The following TLN2 variants were observed in gnomAD, a reference collection of about 807,000 sequenced individuals.
The protein encoded by TLN2 is talin 2, also known as talin-2.
TLN2 carries 118 observed loss-of-function variants against 294.7 expected under a neutral mutation model. That is an observed-to-expected ratio of 0.40 (90% CI 0.34 to 0.47). TLN2 has a LOEUF of 0.47. Among genes scored for constraint, TLN2 ranks in the 20% least tolerant of loss-of-function variants. TLN2 has a pLI of 0.84. For missense variants in TLN2, 3,083 were observed against 3,282.2 expected (o/e 0.94, Z 1.48); for synonymous variants, 1,431 against 1,304.5 (o/e 1.10, Z -2.09).
intron 1 of TLN2, among the ~76,000 whole-genome samples, chr15:62,400,137 C>A (rs1449520554): frequency 6.6e-6 from 1 of 152,184 alleles, no homozygotes; most frequent in Admixed American, 6.5e-5. Flanking sequence ...TTATGAGGGG[C>A]TTTTCCCCCT....
chr15:62,761,938 A>C (rs1454041582), intron 38 of TLN2, 117 bp downstream of exon 38: 7 of 1,358,004 alleles, frequency 5.2e-6, no homozygotes, highest in African/African-American at 2.9e-5. Flanking sequence ...GGCTACTGTT[A>C]CTCTTGTCAA....
Position 62,553,262 on chromosome 15 carries a change from G to A in TLN2, c.-237-36425G>A, listed in dbSNP as rs192957262. Among the ~76,000 whole-genome samples the A allele has an allele frequency of 2.0e-4, 31 of 152,240 alleles. 1 individual carries two copies. The East Asian group carries it at 5.6e-3, about 28-fold the overall frequency. On this transcript the variant is annotated intron_variant, in intron 1 of 58. Coordinates refer to ENST00000636159, the MANE Select transcript of TLN2 (RefSeq NM_015059.3). ...TGTAATCCCAGCACTTTGGGAGGCC[G>A]AGGCAGATGGATCATCTGTCAGGAG...
chr15:62,815,207 A>T (rs1056884821), intron 52 of TLN2, among the ~76,000 whole-genome samples: 10 of 151,112 alleles, frequency 6.6e-5, no homozygotes, highest in South Asian at 6.3e-4. Context: ...ACACACACAC[A>T]CACACACACA....
At chr15:62,422,042 C>A (rs1376012240) in intron 1 of TLN2, among the ~76,000 whole-genome samples, 1 of 151,730 alleles carries the variant, frequency 6.6e-6, no homozygotes, top group East Asian at 1.9e-4. Flanking sequence ...AGGTGGATCA[C>A]CTGAGGTCTG....
chr15:62,785,921 A>G (rs1595986924), intron 45 of TLN2, among the ~76,000 whole-genome samples: 1 of 152,248 alleles, frequency 6.6e-6, no homozygotes, highest in East Asian at 1.9e-4. Context: ...ATGTGTTGCT[A>G]AAAGCACAAC....
chr15:62,712,480 C>T (rs1338077345), intron 22 of TLN2, among the ~76,000 whole-genome samples: 1 of 152,190 alleles, frequency 6.6e-6, no homozygotes, highest in Non-Finnish European at 1.5e-5. Context: ...CAAGATTTTG[C>T]ACAGTAGACT....
intron 1 of TLN2, among the ~76,000 whole-genome samples, chr15:62,503,941 T>A (rs995175690): frequency 2.6e-5 from 4 of 152,144 alleles, no homozygotes; most frequent in African/African-American, 9.7e-5. Context: ...GAATCTCACG[T>A]AGAAAAAAGA....
In TLN2 at chr15:62,430,437, T is replaced by C. The variant is rs923068928; in HGVS notation, c.-238+39752T>C. Reference sequence around the variant, plus strand: ...GGAATCTTGGCCTCAATTAGAACTTTAGCTTCTGTTTTGTTCGCTAGATGT... The same window carrying C: ...GGAATCTTGGCCTCAATTAGAACTTCAGCTTCTGTTTTGTTCGCTAGATGT... On this transcript the variant is annotated intron_variant, in intron 1 of 58. Coordinates refer to ENST00000636159, the MANE Select transcript of TLN2 (RefSeq NM_015059.3). Among the ~76,000 whole-genome samples, 4 of 152,264 alleles carry C rather than the reference T, an allele frequency of 2.6e-5. No individual in the cohort carries two copies. The South Asian group carries it at 6.2e-4, about 24-fold the overall frequency.
At chr15:62,764,150 C>G (rs902082098) in intron 40 of TLN2, among the ~76,000 whole-genome samples, 3 of 152,128 alleles carry the variant, frequency 2.0e-5, no homozygotes, top group African/African-American at 4.8e-5. Flanking sequence ...GGATTCTGCC[C>G]TAAGTTATTC....
intron 54 of TLN2, 120 bp from the exon 55 acceptor site, chr15:62,833,384 G>A (rs895557528): frequency 6.1e-5 from 87 of 1,433,246 alleles, no homozygotes; most frequent in Non-Finnish European, 8.0e-5. Flanking sequence ...TTCAGGTGTG[G>A]TTTGTCAACA....
At chr15:62,774,761 G>A (rs1274581107) in intron 42 of TLN2, among the ~76,000 whole-genome samples, 1 of 152,164 alleles carries the variant, frequency 6.6e-6, no homozygotes, top group African/African-American at 2.4e-5. Flanking sequence ...ATAGATTTCA[G>A]TGACCTGGCA....
At chr15:62,497,920 G>T (rs1297695384) in intron 1 of TLN2, among the ~76,000 whole-genome samples, 1 of 151,950 alleles carries the variant, frequency 6.6e-6, no homozygotes, top group African/African-American at 2.4e-5. Context: ...TAAAGCCAAG[G>T]AAAGGCCCAT....
intron 1 of TLN2, among the ~76,000 whole-genome samples, chr15:62,427,213 T>C (rs1225557607): frequency 1.3e-5 from 2 of 152,104 alleles, no homozygotes; most frequent in African/African-American, 4.8e-5. Flanking sequence ...TTATTTTATA[T>C]TTTCATCCAC....
intron 1 of TLN2, among the ~76,000 whole-genome samples, chr15:62,483,917 A>G (rs1406505722): frequency 6.6e-6 from 1 of 152,246 alleles, no homozygotes; most frequent in African/African-American, 2.4e-5. Flanking sequence ...GGCCAGCTGC[A>G]TGCCTCCCAG....
intron 1 of TLN2, among the ~76,000 whole-genome samples, chr15:62,462,938 G>C (rs974978715): frequency 6.6e-6 from 1 of 152,176 alleles, no homozygotes; most frequent in Non-Finnish European, 1.5e-5. Context: ...AGGAGGATGT[G>C]GAAGGAGACA....
intron 33 of TLN2, 85 bp downstream of exon 33, chr15:62,748,529 G>GACAGAAACAGAAT: frequency 8.8e-7 from 1 of 1,141,542 alleles, no homozygotes; most frequent in Non-Finnish European, 1.3e-6. Context: ...CTATGTCTGT[G>GACAGAAACAGAAT]TCTGTTCTTT....
At chr15:62,481,252 C>T (rs185455765) in intron 1 of TLN2, among the ~76,000 whole-genome samples, 1 of 151,534 alleles carries the variant, frequency 6.6e-6, no homozygotes, top group East Asian at 1.9e-4. Context: ...GAGAGTCTCA[C>T]CTGGCTTAAA....
At chr15:62,566,914 T>C (rs1487056297) in intron 1 of TLN2, among the ~76,000 whole-genome samples, 2 of 152,092 alleles carry the variant, frequency 1.3e-5, no homozygotes. Context: ...TTATTTCTTA[T>C]AGAAAATATA....
At chr15:62,392,206 C>G (rs780639291) in intron 1 of TLN2, among the ~76,000 whole-genome samples, 2 of 152,198 alleles carry the variant, frequency 1.3e-5, no homozygotes, top group Admixed American at 1.3e-4. Flanking sequence ...CGTGGGGAAA[C>G]TTGGATTCTT....
Sources: gnomAD v4.1 joint callset for allele counts (sites outside exome capture counted in the v4.1 genomes callset) on GRCh38, gnomAD v4.1.1 for gene constraint, MANE v1.5 for transcripts, NCBI Gene and HGNC (gene_info 2026-07-23, HGNC 2026-07-21) for gene names.